Variants in CASZ1 observed in about 807,000 individuals in gnomAD.
The protein encoded by CASZ1 is castor zinc finger 1.
A neutral mutation model predicts 135.2 loss-of-function variants in CASZ1; 28 were observed. The observed-to-expected ratio is 0.21, with a 90% CI of 0.15 to 0.28. The LOEUF (loss-of-function observed/expected upper bound fraction) is 0.28, where lower values mean the gene tolerates loss of function less well. CASZ1 is among the 10% of genes least tolerant of loss of function. The pLI, the probability that CASZ1 is intolerant of heterozygous loss-of-function variation, is 1.00. For synonymous variants in CASZ1, 1,068 were observed against 1,073.4 expected, an observed-to-expected ratio of 0.99 and a Z score of 0.10; for missense variants, 2,161 against 2,453.3, an observed-to-expected ratio of 0.88 and a Z score of 2.52.
chr1:10,648,614 C>T (rs1039195982), intron 15 of CASZ1: 5 of 193,706 alleles, frequency 2.6e-5, no homozygotes, highest in Non-Finnish European at 5.3e-5. Flanking sequence ...CGGCTAGGCT[C>T]GAAGCCTTTT....
rs371896402 is a variant in CASZ1 at position 10,640,097 on chromosome 1, C to T, written c.4163-38G>A. On this transcript the variant is annotated intron_variant, in intron 20 of 20. Transcript: ENST00000377022. ...AGGGAGGTCAGTGCAGAAGAGGGAC[C>T]CACGTGGGCACCATCAACAGGGTTA... 3.8e-6 allele frequency: 6 copies of T among 1,569,080 alleles called. No individual in the cohort carries two copies. The South Asian group carries it at 5.8e-5, about 15-fold the overall frequency.
chr1:10,656,658 C>A lies in CASZ1; in HGVS notation c.1488G>T (p.Glu496Asp). The part of the protein sequence containing the change: ...YREHYHCLDP[E>D]CNYQRFTSKQ... ...GCTGTGGCCGTACCTGGTAGTTACA[C>A]TCAGGGTCAAGGCAGTGGTAGTGCT... The change falls in exon 8 of 21, where the codon GAG becomes GAT. Residue 496 changes from glutamate to aspartate, a missense_variant. This residue lies in a region of CASZ1 where 248 missense variants were observed against 410.8 expected (regional missense o/e 0.60). Coordinates refer to ENST00000377022, the MANE Select transcript of CASZ1 (RefSeq NM_001079843.3). 1 of 1,599,444 alleles carries A rather than the reference C, an allele frequency of 6.3e-7. No homozygotes were observed. The highest frequency in any genetic ancestry group is 1.7e-5 in the Admixed American group (1 of 57,618).
At position 10,659,858 on chromosome 1, in the gene CASZ1, A is replaced by G; in HGVS notation, c.1184T>C (p.Leu395Pro). The G allele has an allele frequency of 6.2e-7, 1 of 1,611,160 alleles. No individual in the cohort carries two copies. Among genetic ancestry groups the G allele is most frequent in the Non-Finnish European group, 8.5e-7 (1 of 1,178,832 alleles). Reference protein sequence around the residue: ...GPAKVPPTPSLAPAPLASVPS... With the variant: ...GPAKVPPTPSPAPAPLASVPS... ...CACGCTGGCGAGGGGTGCGGGAGCCAGGCTGGGGGTGGGCGGAACCTTGGC... is the reference window on the plus strand; with the variant it reads ...CACGCTGGCGAGGGGTGCGGGAGCCGGGCTGGGGGTGGGCGGAACCTTGGC... The change falls in exon 6 of 21, where the codon CTG (leucine) becomes CCG (proline). Residue 395 changes from leucine (L) to proline (P), a missense_variant. Around this residue, in one of 7 missense-constraint regions of CASZ1, gnomAD observed 590 missense variants for 609.8 expected, o/e 0.97. Transcript: ENST00000377022.
rs1212625170 is a variant in CASZ1 at position 10,700,111 on chromosome 1, A to ACACACACACACACACCCACC, written c.-24+5380_-24+5381insGGTGGGTGTGTGTGTGTGTG. 6.8e-4 allele frequency among the ~76,000 whole-genome samples: 103 copies of ACACACACACACACACCCACC among 152,022 alleles called. 1 individual carries two copies. The East Asian group carries it at 0.018, about 26-fold the overall frequency. The stretch of plus-strand genomic sequence containing the variant: ...CACACACACACACACACACACACAC[A>ACACACACACACACACCCACC]CACACAGAGTATGAAGCAGGGACCT... On this transcript the variant is annotated intron_variant, in intron 3 of 20. Transcript: ENST00000377022. The surrounding 1 kb of genome is among the most constrained non-coding windows in gnomAD (Gnocchi z 4.2).
intron 3 of CASZ1, among the ~76,000 whole-genome samples, chr1:10,702,208 C>T (rs539519534): frequency 4.6e-5 from 7 of 152,236 alleles, no homozygotes; most frequent in East Asian, 3.9e-4. Flanking sequence ...CCAGCCCTGG[C>T]GGGGTCTTCA....
At chr1:10,702,966 G>T (rs953353517) in intron 3 of CASZ1, among the ~76,000 whole-genome samples, 2 of 149,664 alleles carry the variant, frequency 1.3e-5, no homozygotes, top group African/African-American at 4.9e-5. Context: ...GAGAGGCAGA[G>T]AGAGAGAGAG....
chr1:10,668,856 C>T (rs1643317291), intron 4 of CASZ1, among the ~76,000 whole-genome samples: 1 of 152,258 alleles, frequency 6.6e-6, no homozygotes, highest in Admixed American at 6.5e-5. Flanking sequence ...CCTGGGAGGG[C>T]CACCAGGCAG....
intron 8 of CASZ1, 144 bp downstream of exon 8, chr1:10,656,502 G>A: frequency 1.6e-6 from 1 of 639,108 alleles, no homozygotes; most frequent in Non-Finnish European, 2.8e-6. Context: ...TGGTGGTTTT[G>A]CGGGCCCTCT....
In CASZ1 at chr1:10,645,042, C is replaced by T; in HGVS notation, c.3743G>A (p.Gly1248Asp). 1 of 1,614,008 alleles carries T rather than the reference C, an allele frequency of 6.2e-7. No homozygotes were observed. Reference sequence around the variant, plus strand: ...GGTGATGTTGGTCACAAAATAGCAGCCGGTGCGGAGGCAGTGGTAGTGCCC... The same window carrying T: ...GGTGATGTTGGTCACAAAATAGCAGTCGGTGCGGAGGCAGTGGTAGTGCCC... ...MRGHYHCLRTGCYFVTNITTK... is the reference protein window; with the variant it reads ...MRGHYHCLRTDCYFVTNITTK... The change falls in exon 18 of 21, where the codon GGC becomes GAC. Residue 1248 changes from glycine (G) to aspartate (D), a missense_variant. Gly to Asp is a moderately conservative substitution (Grantham distance 94). This residue lies in a region of CASZ1 where 349 missense variants were observed against 460.8 expected (regional missense o/e 0.76). Transcript: ENST00000377022.
chr1:10,699,105 C>T lies in CASZ1; in HGVS notation c.-23-5193G>A, dbSNP rs1639006286. ...TCCATGGCCCAGAGGCTGCTTGCTC[C>T]AGGGCGTTCTCAGGGGCCCATGAGG... On this transcript the variant is annotated intron_variant, in intron 3 of 20. Coordinates refer to ENST00000377022, the MANE Select transcript of CASZ1 (RefSeq NM_001079843.3). The surrounding 1 kb of genome is among the most constrained non-coding windows in gnomAD (Gnocchi z 4.6). Among the ~76,000 whole-genome samples the T allele has an allele frequency of 6.6e-6, 1 of 152,170 alleles. No individual in the cohort carries two copies. Among genetic ancestry groups the T allele is most frequent in the Non-Finnish European group, 1.5e-5 (1 of 68,026 alleles).
chr1:10,670,872 C>T (rs993010700), intron 4 of CASZ1, among the ~76,000 whole-genome samples: 1 of 152,190 alleles, frequency 6.6e-6, no homozygotes, highest in Non-Finnish European at 1.5e-5. Context: ...CCATCCCCTC[C>T]GAGAAGGGAG....
At chr1:10,766,014 A>G in intron 1 of CASZ1, among the ~76,000 whole-genome samples, 1 of 152,236 alleles carries the variant, frequency 6.6e-6, no homozygotes, top group East Asian at 1.9e-4. Context: ...ATATCCATGG[A>G]AACCACCACC....
chr1:10,655,164 C>T (rs1278542874), intron 9 of CASZ1, among the ~76,000 whole-genome samples: 4 of 152,170 alleles, frequency 2.6e-5, no homozygotes, highest in East Asian at 1.9e-4. Context: ...CCCCTCTCCT[C>T]GTGGCCCAGG....
At chr1:10,648,888 C>G in intron 15 of CASZ1, 182 bp downstream of exon 15, 1 of 794,308 alleles carries the variant, frequency 1.3e-6, no homozygotes, top group Non-Finnish European at 1.9e-6. Context: ...GAGCCCCCGG[C>G]TGAGGGCTGC....
chr1:10,642,970 C>G lies in CASZ1; in HGVS notation c.4051G>C (p.Asp1351His). ...CAGCCAGTGTAGTCCATGCACTCAT[C>G]TGTCTCAGCATCCATCAGGCCTGGG... ...GPPGLMDAET[D>H]ECMDYTGCSP... is the part of the protein sequence containing the mutation. The change falls in exon 20 of 21, where the codon GAT becomes CAT. Residue 1351 changes from aspartate to histidine, a missense_variant. Physicochemically the swap from Asp to His is moderately conservative, Grantham distance 81 (BLOSUM62 -1). Transcript: ENST00000377022. 1 of 1,613,092 alleles carries G rather than the reference C, an allele frequency of 6.2e-7. No individual in the cohort carries two copies. Among genetic ancestry groups the G allele is most frequent in the Non-Finnish European group, 8.5e-7 (1 of 1,179,984 alleles).
rs148949952 is a variant in CASZ1 at position 10,663,436 on chromosome 1, C to T, written c.505+1647G>A. On this transcript the variant is annotated intron_variant, in intron 5 of 20. Transcript: ENST00000377022. ...AGCTGTTCCCCTGGGGCGGGGCTGG[C>T]GGGTCAGCCGCTGTCCTGACCTCAA... Among the ~76,000 whole-genome samples, 279 of 152,178 alleles carry T rather than the reference C, an allele frequency of 1.8e-3. 1 individual carries two copies. The highest frequency in any genetic ancestry group is 2.6e-3 in the Non-Finnish European group (178 of 67,984).
chr1:10,679,813 A>T lies in CASZ1; in HGVS notation c.16+14061T>A, dbSNP rs1189272989. Reference sequence around the variant, plus strand: ...CTCCAGCTGATTAAGGATCTGCAACAGGATGTAGGGATTACAGTAAAACCT... The same window carrying T: ...CTCCAGCTGATTAAGGATCTGCAACTGGATGTAGGGATTACAGTAAAACCT... On this transcript the variant is annotated intron_variant, in intron 4 of 20. Transcript: ENST00000377022. This position sits in a 1 kb window ranked among gnomAD's most constrained non-coding sequence, Gnocchi z 4.7. Among the ~76,000 whole-genome samples the T allele has an allele frequency of 1.3e-5, 2 of 152,248 alleles. No homozygotes were observed. Among genetic ancestry groups the T allele is most frequent in the Non-Finnish European group, 2.9e-5 (2 of 68,042 alleles).
chr1:10,757,869 C>A lies in CASZ1; in HGVS notation c.-77+2832G>T, dbSNP rs557297699. On this transcript the variant is annotated intron_variant, in intron 2 of 20. Coordinates refer to ENST00000377022, the MANE Select transcript of CASZ1 (RefSeq NM_001079843.3). The surrounding 1 kb of genome is among the most constrained non-coding windows in gnomAD (Gnocchi z 4.6). ...CTCCAGCGGCTTCCTATCACCTAAG[C>A]ATAAAATCCCAACTTCTCCCCAGGC... is the stretch of plus-strand genomic sequence containing the variant. Among the ~76,000 whole-genome samples, 4 of 152,258 alleles carry A rather than the reference C, an allele frequency of 2.6e-5. No homozygotes were observed. In the South Asian group the frequency reaches 8.3e-4, roughly 32 times the overall value.
Position 10,638,821 on chromosome 1 carries a change from G to A in CASZ1, c.*121C>T, listed in dbSNP as rs1056825818. 6 of 925,742 alleles carry A rather than the reference G, an allele frequency of 6.5e-6. No individual in the cohort carries two copies. The African/African-American group carries it at 1.1e-4, about 17-fold the overall frequency. 57.3% of individuals were successfully genotyped at this position (925,742 alleles called of 1,614,324 possible). On this transcript the variant is annotated 3_prime_UTR_variant, in exon 21 of 21. Coordinates refer to ENST00000377022, the MANE Select transcript of CASZ1 (RefSeq NM_001079843.3). This position sits in a 1 kb window ranked among gnomAD's most constrained non-coding sequence, Gnocchi z 5.9. ...GGGGTCCCCGCCTCTGTCCTGAGACGGACTCGGGGTCCGGAAGCACCGGCG... is the reference window on the plus strand; with the variant it reads ...GGGGTCCCCGCCTCTGTCCTGAGACAGACTCGGGGTCCGGAAGCACCGGCG...
Sources: gnomAD v4.1 joint callset for allele counts (sites outside exome capture counted in the v4.1 genomes callset) on GRCh38, gnomAD v4.1.1 for gene constraint, gnomAD v4.1.1 regional missense constraint, Gnocchi (gnomAD v3.1) non-coding constraint, MANE v1.5 for transcripts, NCBI Gene and HGNC (gene_info 2026-07-23, HGNC 2026-07-21) for gene names.